Variants in USP48 observed in about 807,000 individuals in gnomAD.
USP48 encodes the protein ubiquitin carboxyl-terminal hydrolase 48.
In USP48, 43 loss-of-function variants were observed where a neutral mutation model predicts 150.7. That is an observed-to-expected ratio of 0.29 (90% CI 0.22 to 0.37). The LOEUF is 0.37. Among genes scored for constraint, USP48 ranks in the 10% least tolerant of loss-of-function variants. USP48 has a pLI of 1.00. For synonymous variants in USP48, 396 were observed against 425.9 expected (o/e 0.93, Z 0.86); for missense variants, 813 against 1,249.6 (o/e 0.65, Z 5.27).
chr1:21,780,352 C>A (rs2097911287), intron 1 of USP48, among the ~76,000 whole-genome samples: 1 of 152,022 alleles, frequency 6.6e-6, no homozygotes, highest in South Asian at 2.1e-4. Context: ...ATAGAGAAAT[C>A]CAGAGACAGA....
chr1:21,759,181 CAAAAAAAAAAAA>C (rs11341963), intron 1 of USP48, among the ~76,000 whole-genome samples: 4 of 69,258 alleles, frequency 5.8e-5, no homozygotes, highest in East Asian at 9.2e-4. Context: ...GACACGGTCT[CAAAAAAAAAAAA>C]AAAAAAAAAA....
At chr1:21,679,502 C>T (rs369551457) in intron 26 of USP48, 63 bp from the exon 27 acceptor site, 6 of 1,587,406 alleles carry the variant, frequency 3.8e-6, no homozygotes, top group Non-Finnish European at 5.2e-6. Flanking sequence ...TCATGGATTC[C>T]ATTTACCAAG....
In USP48 at chr1:21,687,202, T is replaced by A. The variant is rs1458806437; in HGVS notation, c.3047A>T (p.Asp1016Val). 6.2e-7 allele frequency: 1 copy of A among 1,613,036 alleles called. No homozygotes were observed. The highest frequency in any genetic ancestry group is 8.5e-7 in the Non-Finnish European group (1 of 1,179,432). The change falls in exon 25 of 27, where the codon GAT becomes GTT. Residue 1016 changes from aspartate to valine, a missense_variant. Transcript: ENST00000308271. Reference protein sequence around the residue: ...EPIADYAAMDDVMQVCMPEEG... With the variant: ...EPIADYAAMDVVMQVCMPEEG... ...AAATTCATCTTTACCTTGCATGACA[T>A]CATCCATTGCAGCATAATCTGCAAT...
At chr1:21,696,695 T>C (rs1018372348) in intron 22 of USP48, among the ~76,000 whole-genome samples, 3 of 152,014 alleles carry the variant, frequency 2.0e-5, no homozygotes, top group African/African-American at 7.3e-5. Flanking sequence ...ATGATGGCCA[T>C]GACTACCTAA....
chr1:21,718,272 C>A (rs1349966108), intron 14 of USP48, among the ~76,000 whole-genome samples: 1 of 152,066 alleles, frequency 6.6e-6, no homozygotes, highest in Non-Finnish European at 1.5e-5. Flanking sequence ...ATAAAAAGGG[C>A]TGTATGTTTT....
intron 15 of USP48, among the ~76,000 whole-genome samples, chr1:21,707,473 T>A (rs1488692134): frequency 6.6e-6 from 1 of 152,196 alleles, no homozygotes. Flanking sequence ...AGCACCAACT[T>A]CTTTGCTATT....
chr1:21,748,260 T>C lies in USP48; in HGVS notation c.786A>G (p.Leu262=), dbSNP rs2097800269. ...CGCAAAAATAGCGATTGTCTCCTTC[T>C]AATTTTTCTTCCTGATCAAGAATAA... ...CISEFLKEEK[L]EGDNRYFCEN... The change falls in exon 7 of 27, where the codon TTA becomes TTG. Residue 262 remains leucine, a synonymous_variant. Transcript: ENST00000308271. 1 of 1,611,968 alleles carries C rather than the reference T, an allele frequency of 6.2e-7. No homozygotes were observed. The highest frequency in any genetic ancestry group is 8.5e-7 in the Non-Finnish European group (1 of 1,179,336).
intron 23 of USP48, among the ~76,000 whole-genome samples, chr1:21,693,334 G>A (rs968131598): frequency 6.6e-6 from 1 of 152,182 alleles, no homozygotes; most frequent in African/African-American, 2.4e-5. Flanking sequence ...AAACTCTGAT[G>A]CTATCCACAC....
intron 22 of USP48, among the ~76,000 whole-genome samples, chr1:21,696,987 C>A (rs1479877436): frequency 2.6e-5 from 4 of 152,168 alleles, no homozygotes; most frequent in Admixed American, 2.6e-4. Context: ...TTAAGAAAAT[C>A]TTTTCCCCTG....
chr1:21,774,990 AAAATAAAT>A (rs147019343), intron 1 of USP48, among the ~76,000 whole-genome samples: 32,080 of 145,886 alleles, frequency 0.22, 4,587 homozygotes, highest in East Asian at 0.61. Context: ...GACTCTCTCA[AAAATAAAT>A]AAATAAATAA....
At chr1:21,780,341 A>C in intron 1 of USP48, among the ~76,000 whole-genome samples, 1 of 152,188 alleles carries the variant, frequency 6.6e-6, no homozygotes, top group East Asian at 1.9e-4. Context: ...ATGAAATATT[A>C]ATAGAGAAAT....
At chr1:21,704,241 G>A (rs769185129) in intron 20 of USP48, 21 bp downstream of exon 20, 8 of 1,603,588 alleles carry the variant, frequency 5.0e-6, no homozygotes, top group East Asian at 4.5e-5. Context: ...TATAGAAACC[G>A]AAAGCAATAT....
At chr1:21,771,422 TATTTTATA>T (rs941892689) in intron 1 of USP48, among the ~76,000 whole-genome samples, 2 of 148,396 alleles carry the variant, frequency 1.3e-5, no homozygotes, top group South Asian at 2.1e-4. Flanking sequence ...AATTTATAAT[TATTTTATA>T]ATTTTATAAT....
chr1:21,742,925 G>A lies in USP48; in HGVS notation c.991+4142C>T, dbSNP rs984609295. Among the ~76,000 whole-genome samples the A allele has an allele frequency of 2.6e-5, 4 of 152,140 alleles. No individual in the cohort carries two copies. In the East Asian group the frequency reaches 5.8e-4, roughly 22 times the overall value. On this transcript the variant is annotated intron_variant, in intron 8 of 26. Transcript: ENST00000308271. ...AAAACAACACTGCTATAACCAGCTCGGGTAGAGAGATCAGCCTGAACAATA... is the reference window on the plus strand; with the variant it reads ...AAAACAACACTGCTATAACCAGCTCAGGTAGAGAGATCAGCCTGAACAATA...
At chr1:21,724,385 C>T (rs940122688) in intron 11 of USP48, 5 of 571,042 alleles carry the variant, frequency 8.8e-6, no homozygotes, top group East Asian at 2.8e-5. Flanking sequence ...AGAGTCTTGC[C>T]GAATAGCACA....
At chr1:21,699,573 G>A (rs2097648989) in intron 22 of USP48, among the ~76,000 whole-genome samples, 1 of 151,016 alleles carries the variant, frequency 6.6e-6, no homozygotes, top group South Asian at 2.1e-4. Context: ...GAGTGCAGTG[G>A]CGTGATCTCA....
At chr1:21,753,820 C>CCG (rs2097823779) in intron 3 of USP48, among the ~76,000 whole-genome samples, 1 of 91,200 alleles carries the variant, frequency 1.1e-5, no homozygotes, top group East Asian at 3.0e-4. Context: ...GAGCGAGACT[C>CCG]TTTAAAAAAA....
At chr1:21,769,457 G>C (rs971565679) in intron 1 of USP48, among the ~76,000 whole-genome samples, 3 of 151,858 alleles carry the variant, frequency 2.0e-5, no homozygotes, top group Non-Finnish European at 4.4e-5. Flanking sequence ...CTGTCACCCA[G>C]GCTAGAGTAC....
At chr1:21,781,606 T>G (rs1249081028) in intron 1 of USP48, among the ~76,000 whole-genome samples, 1 of 152,030 alleles carries the variant, frequency 6.6e-6, no homozygotes, top group Non-Finnish European at 1.5e-5. Flanking sequence ...TGGTGGCCCG[T>G]GCCTCTAATC....
Sources: gnomAD v4.1 joint callset for allele counts (sites outside exome capture counted in the v4.1 genomes callset) on GRCh38, gnomAD v4.1.1 for gene constraint, MANE v1.5 for transcripts, NCBI Gene and HGNC (gene_info 2026-07-23, HGNC 2026-07-21) for gene names.